Variants in PCSK2 observed in about 807,000 individuals in gnomAD.
PCSK2 encodes neuroendocrine convertase 2.
Under a neutral mutation model 69.7 loss-of-function variants are expected in PCSK2, and 14 were observed. The observed-to-expected ratio is 0.20, with a 90% confidence interval of 0.13 to 0.31. PCSK2 has a LOEUF of 0.31. Among genes scored for constraint, PCSK2 ranks in the 10% least tolerant of loss-of-function variants. The pLI is 1.00. For synonymous variants in PCSK2, 307 were observed against 320.7 expected (o/e 0.96, Z 0.46); for missense variants, 544 against 842.5 (o/e 0.65, Z 4.39).
At position 17,227,321 on chromosome 20, in the gene PCSK2, G is replaced by A; in HGVS notation, c.16G>A (p.Val6Ile). The change falls in exon 1 of 12, where the codon GTC becomes ATC. Residue 6 changes from valine (V) to isoleucine (I), a missense_variant. By Grantham distance (29) the Val-to-Ile change is conservative (BLOSUM62 3). Transcript: ENST00000262545. ...CCAAAGAAGGATGAAGGGTGGTTGT[G>A]TCTCCCAGTGGAAGGCGGCCGCCGG... The part of the protein sequence containing the change: MKGGC[V>I]SQWKAAAGFL... The A allele has an allele frequency of 6.2e-7, 1 of 1,613,816 alleles. No homozygotes were observed.
At chr20:17,260,669 A>G (rs146293077) in intron 2 of PCSK2, among the ~76,000 whole-genome samples, 1 of 152,126 alleles carries the variant, frequency 6.6e-6, no homozygotes. Flanking sequence ...ATGGGAAGAC[A>G]ACAAGCAGTT....
At chr20:17,450,155 A>G (rs1199920939) in intron 8 of PCSK2, among the ~76,000 whole-genome samples, 2 of 149,736 alleles carry the variant, frequency 1.3e-5, no homozygotes, top group African/African-American at 4.9e-5. Flanking sequence ...CAGCCTCCCG[A>G]GTAGCTGGGA....
intron 1 of PCSK2, among the ~76,000 whole-genome samples, chr20:17,245,847 G>A (rs934356127): frequency 6.6e-6 from 1 of 152,088 alleles, no homozygotes; most frequent in South Asian, 2.1e-4. Context: ...ACTTGTGGAG[G>A]AGCACGTACC....
chr20:17,437,907 C>T (rs1600579981), intron 8 of PCSK2, among the ~76,000 whole-genome samples: 1 of 152,362 alleles, frequency 6.6e-6, no homozygotes, highest in East Asian at 1.9e-4. Context: ...CATCCATCTA[C>T]TTGCCACGCG....
chr20:17,236,409 A>G lies in PCSK2; in HGVS notation c.177+8927A>G, dbSNP rs1986340431. Among the ~76,000 whole-genome samples the G allele has an allele frequency of 2.0e-5, 3 of 152,212 alleles. No homozygotes were observed. The South Asian group carries it at 6.2e-4, about 32-fold the overall frequency. On this transcript the variant is annotated intron_variant, in intron 1 of 11. Transcript: ENST00000262545. Reference sequence around the variant, plus strand: ...GTAGATAGGTTACATATATTTAATTACATGTTTACTTATTTAATTACATAA... The same window carrying G: ...GTAGATAGGTTACATATATTTAATTGCATGTTTACTTATTTAATTACATAA...
intron 2 of PCSK2, among the ~76,000 whole-genome samples, chr20:17,335,491 G>A (rs1167544630): frequency 7.2e-6 from 1 of 139,780 alleles, no homozygotes; most frequent in Non-Finnish European, 1.5e-5. Flanking sequence ...TTGTTTGCTT[G>A]TGGGCTCTTT....
At chr20:17,322,723 C>T (rs1156874244) in intron 2 of PCSK2, among the ~76,000 whole-genome samples, 1 of 152,192 alleles carries the variant, frequency 6.6e-6, no homozygotes, top group African/African-American at 2.4e-5. Flanking sequence ...AACACTGTGT[C>T]CTCACATGGT....
In PCSK2 at chr20:17,449,984, CTT is replaced by C. The variant is rs60552663; in HGVS notation, c.886-3747_886-3746del. On this transcript the variant is annotated intron_variant, in intron 8 of 11. Coordinates refer to ENST00000262545, the MANE Select transcript of PCSK2 (RefSeq NM_002594.5). ...AAAGCCTTATTTAGCACTTCCTTAG[CTT>C]TTTTTTTTTTAAGTTTGTTGAATTT... Among the ~76,000 whole-genome samples, 11 of 90,654 alleles carry C rather than the reference CTT, an allele frequency of 1.2e-4. No individual in the cohort carries two copies. In the East Asian group the frequency reaches 1.5e-3, roughly 12 times the overall value. 59.5% of individuals were successfully genotyped at this position (90,654 alleles called of 152,430 possible). A position where few individuals can be genotyped will look rare whatever the true frequency, so the allele number is the denominator to read the frequency against.
chr20:17,338,873 G>A (rs1391914365), intron 2 of PCSK2, among the ~76,000 whole-genome samples: 1 of 152,150 alleles, frequency 6.6e-6, no homozygotes, highest in Admixed American at 6.5e-5. Context: ...AGTGCGATGG[G>A]TGAGTCCAAA....
At chr20:17,412,380 G>A (rs760430670) in intron 6 of PCSK2, among the ~76,000 whole-genome samples, 55 of 152,128 alleles carry the variant, frequency 3.6e-4, no homozygotes, top group Non-Finnish European at 6.8e-4. Flanking sequence ...ACTTCGTGAC[G>A]CATGCAAAAG....
At position 17,360,562 on chromosome 20, in the gene PCSK2, G is replaced by C; in HGVS notation, c.427G>C (p.Gly143Arg). 3 of 1,612,526 alleles carry C rather than the reference G, an allele frequency of 1.9e-6. No individual in the cohort carries two copies. Among genetic ancestry groups the C allele is most frequent in the Non-Finnish European group, 2.5e-6 (3 of 1,179,062 alleles). The change falls in exon 4 of 12, where the codon GGC becomes CGC. Residue 143 changes from glycine to arginine, a missense_variant. Gly to Arg is a moderately radical substitution (Grantham distance 125, BLOSUM62 -2). Transcript: ENST00000262545. ...TACTGGGCAAGCTGATGGCACTCCTGGCCTTGATTTGAATGTGGCTGAAGC... is the reference window on the plus strand; with the variant it reads ...TACTGGGCAAGCTGATGGCACTCCTCGCCTTGATTTGAATGTGGCTGAAGC... ...INTGQADGTP[G>R]LDLNVAEAWE... is the part of the protein sequence containing the mutation.
At chr20:17,338,804 C>A (rs1464801704) in intron 2 of PCSK2, among the ~76,000 whole-genome samples, 1 of 152,046 alleles carries the variant, frequency 6.6e-6, no homozygotes, top group Non-Finnish European at 1.5e-5. Context: ...AAATACATGT[C>A]ATTCCTGGAA....
intron 11 of PCSK2, among the ~76,000 whole-genome samples, chr20:17,478,627 A>G (rs1375789086): frequency 6.6e-6 from 1 of 151,582 alleles, no homozygotes; most frequent in African/African-American, 2.4e-5. Flanking sequence ...TGTACAACTA[A>G]GTGAGGGGAA....
chr20:17,316,096 A>T (rs142157638), intron 2 of PCSK2, among the ~76,000 whole-genome samples: 1 of 152,218 alleles, frequency 6.6e-6, no homozygotes, highest in African/African-American at 2.4e-5. Context: ...TTCATAGGTC[A>T]GATGGATCTC....
At position 17,465,549 on chromosome 20, in the gene PCSK2, C is replaced by G; in HGVS notation, c.1426C>G (p.Pro476Ala). 1 of 1,576,828 alleles carries G rather than the reference C, an allele frequency of 6.3e-7. No homozygotes were observed. The highest frequency in any genetic ancestry group is 8.6e-7 in the Non-Finnish European group (1 of 1,157,188). ...FHCVGGSVQD[P>A]EKIPSTGKLV... is the part of the protein sequence containing the mutation. ...CTGTGTGGGAGGCTCCGTGCAGGACCCTGAGTAAGTGGGGGTAGTGGTCCC... is the reference window on the plus strand; with the variant it reads ...CTGTGTGGGAGGCTCCGTGCAGGACGCTGAGTAAGTGGGGGTAGTGGTCCC... The change falls in exon 11 of 12, where the codon CCT becomes GCT. Residue 476 changes from proline to alanine, a missense_variant. Transcript: ENST00000262545.
chr20:17,458,515 C>A (rs2032962290), intron 10 of PCSK2, among the ~76,000 whole-genome samples: 1 of 152,062 alleles, frequency 6.6e-6, no homozygotes, highest in East Asian at 1.9e-4. Context: ...GCTCCAATAG[C>A]CAAAAGTGAA....
intron 2 of PCSK2, among the ~76,000 whole-genome samples, chr20:17,286,675 C>T (rs1988520348): frequency 2.6e-5 from 4 of 152,190 alleles, no homozygotes; most frequent in South Asian, 4.1e-4. Flanking sequence ...TATATAAATC[C>T]TGGTTTGGTC....
intron 5 of PCSK2, among the ~76,000 whole-genome samples, chr20:17,405,542 T>C (rs2031733248): frequency 6.6e-6 from 1 of 152,204 alleles, no homozygotes; most frequent in Non-Finnish European, 1.5e-5. Flanking sequence ...GCGTCTTTGA[T>C]AGCCAGGCAA....
intron 2 of PCSK2, among the ~76,000 whole-genome samples, chr20:17,340,079 A>C (rs1990466881): frequency 6.6e-6 from 1 of 152,172 alleles, no homozygotes; most frequent in Non-Finnish European, 1.5e-5. Context: ...TGCTGGCATC[A>C]CTAAGAACAA....
Sources: allele counts gnomAD v4.1 joint callset (sites outside exome capture counted in the v4.1 genomes callset), GRCh38; gene constraint gnomAD v4.1.1; transcripts MANE v1.5; gene names NCBI Gene and HGNC (gene_info 2026-07-23, HGNC 2026-07-21).